PEMT: variants seen among roughly 807,000 people sequenced by gnomAD.
PEMT encodes the protein phosphatidylethanolamine N-methyltransferase.
In PEMT, 23 loss-of-function variants were observed where a neutral mutation model predicts 27.4. The observed-to-expected ratio is 0.84, with a 90% confidence interval of 0.60 to 1.19. PEMT has a LOEUF of 1.19. Ranked by LOEUF, PEMT falls within the 50% of genes most tolerant of loss-of-function variation. The pLI, the probability that PEMT is intolerant of heterozygous loss-of-function variation, is 0.00. For synonymous variants in PEMT, 137 were observed against 139.1 expected (o/e 0.98, Z 0.11); for missense variants, 307 against 310.1 (o/e 0.99, Z 0.07).
At position 17,532,358 on chromosome 17, in the gene PEMT, C is replaced by T. The variant is rs373508448; in HGVS notation, c.205-9963G>A. ...ATGAGTTTAGCAAGGCCACAAGATA[C>T]GATTGTATTTCTACACATTTGCAAT... On this transcript the variant is annotated intron_variant, in intron 2 of 6. Coordinates refer to ENST00000255389, the MANE Select transcript of PEMT (RefSeq NM_148172.3). Among the ~76,000 whole-genome samples, 10 of 152,204 alleles carry T rather than the reference C, an allele frequency of 6.6e-5. No individual in the cohort carries two copies. The East Asian group carries it at 1.2e-3, about 18-fold the overall frequency.
chr17:17,536,412 C>T (rs1316399451), intron 2 of PEMT, among the ~76,000 whole-genome samples: 1 of 152,214 alleles, frequency 6.6e-6, no homozygotes, highest in African/African-American at 2.4e-5. Flanking sequence ...CACTCAGACC[C>T]CAGCCTCTGT....
chr17:17,505,962 T>G (rs1250857609), intron 6 of PEMT, 114 bp from the exon 7 acceptor site: 1 of 1,419,444 alleles, frequency 7.0e-7, no homozygotes, highest in Non-Finnish European at 9.3e-7. Context: ...CGGGATCCCC[T>G]TCATCCCCCA....
chr17:17,521,270 T>C (rs1026834577), intron 3 of PEMT, among the ~76,000 whole-genome samples: 1 of 152,142 alleles, frequency 6.6e-6, no homozygotes, highest in African/African-American at 2.4e-5. Flanking sequence ...ACGTGGTCCA[T>C]GTTTAGTCCA....
rs143564005 is a variant in PEMT, at chr17:17,529,648, G to T, written c.205-7253C>A. ...CATGACCCAGCTTCACACCCGAGGG[G>T]CCATGGCACAGCGGGGGACACTCGC... On this transcript the variant is annotated intron_variant, in intron 2 of 6. Transcript: ENST00000255389. Among the ~76,000 whole-genome samples, 86 of 152,332 alleles carry T rather than the reference G, an allele frequency of 5.6e-4. No homozygotes were observed. In the East Asian group the frequency reaches 0.016, roughly 28 times the overall value.
At chr17:17,580,924 T>TA (rs1387605470) in intron 1 of PEMT, among the ~76,000 whole-genome samples, 1 of 152,116 alleles carries the variant, frequency 6.6e-6, no homozygotes, top group Non-Finnish European at 1.5e-5. Flanking sequence ...CATGGACCCT[T>TA]ACCTATGGAC....
At chr17:17,526,556 G>A (rs539955662) in intron 2 of PEMT, among the ~76,000 whole-genome samples, 1 of 152,342 alleles carries the variant, frequency 6.6e-6, no homozygotes, top group South Asian at 2.1e-4. Context: ...CCCCCTATCC[G>A]TGGCTCAGAG....
rs150309697 is a variant in PEMT at position 17,529,429 on chromosome 17, C to T, written c.205-7034G>A. Among the ~76,000 whole-genome samples, 783 of 152,314 alleles carry T rather than the reference C, an allele frequency of 5.1e-3. 3 individuals carry two copies. The highest frequency in any genetic ancestry group is 0.023 in the South Asian group (110 of 4,828). On this transcript the variant is annotated intron_variant, in intron 2 of 6. Transcript: ENST00000255389. Reference sequence around the variant, plus strand: ...GCCCTTCCACGTGACACAGCCTGCTCGAGGGCTCCAACAGTCATTGTCTCC... The same window carrying T: ...GCCCTTCCACGTGACACAGCCTGCTTGAGGGCTCCAACAGTCATTGTCTCC...
At chr17:17,546,979 G>C (rs922124016) in intron 2 of PEMT, among the ~76,000 whole-genome samples, 1 of 152,232 alleles carries the variant, frequency 6.6e-6, no homozygotes, top group African/African-American at 2.4e-5. Context: ...CCCATCGTCA[G>C]AAGAGCTCCA....
chr17:17,591,768 T>C (rs1250852709), upstream of PEMT: 3 of 1,436,646 alleles, frequency 2.1e-6, no homozygotes, highest in Non-Finnish European at 2.7e-6. Context: ...CTGGGAAATG[T>C]AGTTCCCCGT....
At chr17:17,525,810 T>C (rs889795043) in intron 2 of PEMT, among the ~76,000 whole-genome samples, 7 of 152,254 alleles carry the variant, frequency 4.6e-5, no homozygotes, top group South Asian at 2.1e-4. Context: ...CAGGCCAACA[T>C]GGTGAAACCT....
At chr17:17,546,338 TTGG>T (rs1256065170) in intron 2 of PEMT, among the ~76,000 whole-genome samples, 1 of 152,188 alleles carries the variant, frequency 6.6e-6, no homozygotes, top group Non-Finnish European at 1.5e-5. Context: ...CTCCCGTGTC[TTGG>T]TGGCTAGCCA....
At chr17:17,589,875 C>T (rs1034632487) in intron 1 of PEMT, among the ~76,000 whole-genome samples, 7 of 152,196 alleles carry the variant, frequency 4.6e-5, no homozygotes, top group African/African-American at 7.2e-5. Context: ...CACCCTGACC[C>T]GAACCCCAGC....
chr17:17,568,620 C>T (rs1910987269), intron 2 of PEMT, among the ~76,000 whole-genome samples: 1 of 152,154 alleles, frequency 6.6e-6, no homozygotes, highest in South Asian at 2.1e-4. Context: ...TGGGCTGATC[C>T]CATAGCACCT....
chr17:17,527,293 T>C (rs903450405), intron 2 of PEMT, among the ~76,000 whole-genome samples: 7 of 152,214 alleles, frequency 4.6e-5, no homozygotes, highest in Non-Finnish European at 8.8e-5. Flanking sequence ...CGCCTCGGCC[T>C]CTCAAAGTGC....
chr17:17,550,043 G>A (rs1436133076), intron 2 of PEMT, among the ~76,000 whole-genome samples: 1 of 152,208 alleles, frequency 6.6e-6, no homozygotes, highest in East Asian at 1.9e-4. Context: ...TGGTGAGACT[G>A]TCCCTGAAAA....
chr17:17,587,425 T>TA lies in PEMT; in HGVS notation c.96+4105dup, dbSNP rs537195561. The stretch of plus-strand genomic sequence containing the variant: ...GATTTGAATTTATGGCTTAAAAACC[T>TA]AAAAAAAGAAAGCCTTGAGCCCAGA... On this transcript the variant is annotated intron_variant, in intron 1 of 6. Transcript: ENST00000255389. Among the ~76,000 whole-genome samples, 301 of 152,152 alleles carry TA rather than the reference T, an allele frequency of 2.0e-3. 1 individual carries two copies. Among genetic ancestry groups the TA allele is most frequent in the African/African-American group, 7.0e-3 (292 of 41,510 alleles).
intron 1 of PEMT, among the ~76,000 whole-genome samples, chr17:17,587,713 CA>C (rs1443464482): frequency 6.6e-6 from 1 of 151,888 alleles, no homozygotes; most frequent in Non-Finnish European, 1.5e-5. Flanking sequence ...AAAAACAAAA[CA>C]AAACAAAACA....
intron 1 of PEMT, among the ~76,000 whole-genome samples, chr17:17,579,354 T>A (rs550817493): frequency 6.6e-6 from 1 of 152,306 alleles, no homozygotes; most frequent in Admixed American, 6.5e-5. Context: ...ATCATCTCAC[T>A]GTAGGGCCAA....
chr17:17,564,025 A>G (rs545159320), intron 2 of PEMT, among the ~76,000 whole-genome samples: 11 of 146,622 alleles, frequency 7.5e-5, no homozygotes, highest in South Asian at 4.3e-4. Context: ...GCTGTCCCCT[A>G]TGTTCTTCCT....
Sources: gnomAD v4.1 joint callset for allele counts (sites outside exome capture counted in the v4.1 genomes callset) on GRCh38, gnomAD v4.1.1 for gene constraint, MANE v1.5 for transcripts, NCBI Gene and HGNC (gene_info 2026-07-23, HGNC 2026-07-21) for gene names.